Variants in RAB3IP observed in about 807,000 individuals in gnomAD.
RAB3IP encodes rab-3A-interacting protein.
Under a neutral mutation model 59.1 loss-of-function variants are expected in RAB3IP, and 36 were observed. That is an observed-to-expected ratio of 0.61 (90% CI 0.47 to 0.80). The LOEUF is 0.80. Among genes scored for constraint, RAB3IP ranks in the 30% least tolerant of loss-of-function variants. The probability of loss-of-function intolerance (pLI) is 0.00; values close to 1 mark genes in which losing one functional copy is unlikely to be tolerated. For synonymous variants in RAB3IP, 207 were observed against 191.2 expected (o/e 1.08, Z -0.68); for missense variants, 511 against 536.0 (o/e 0.95, Z 0.46).
intron 8 of RAB3IP, among the ~76,000 whole-genome samples, chr12:69,806,240 G>C (rs374391671): frequency 5.7e-4 from 86 of 152,134 alleles, no homozygotes; most frequent in African/African-American, 6.7e-4. Flanking sequence ...TGTATGTGTC[G>C]AGGAATTTAT....
intron 1 of RAB3IP, among the ~76,000 whole-genome samples, chr12:69,743,974 T>A (rs1822486691): frequency 6.6e-6 from 1 of 152,302 alleles, no homozygotes; most frequent in East Asian, 1.9e-4. Flanking sequence ...GAAAAAGAAA[T>A]TTGGAAAATG....
intron 3 of RAB3IP, among the ~76,000 whole-genome samples, chr12:69,780,543 T>A: frequency 6.6e-6 from 1 of 152,000 alleles, no homozygotes; most frequent in East Asian, 1.9e-4. Flanking sequence ...GAGTAGAGAG[T>A]GGGATCCTTT....
chr12:69,789,069 A>C (rs1242092713), intron 4 of RAB3IP, among the ~76,000 whole-genome samples: 1 of 152,086 alleles, frequency 6.6e-6, no homozygotes, highest in Non-Finnish European at 1.5e-5. Flanking sequence ...ATAAAGGCCT[A>C]CATTAAAAAA....
At chr12:69,773,423 T>A (rs1293438429) in intron 3 of RAB3IP, among the ~76,000 whole-genome samples, 13 of 126,484 alleles carry the variant, frequency 1.0e-4, no homozygotes, top group African/African-American at 3.1e-4. Flanking sequence ...TTTTTTTTTT[T>A]ATTATACTCT....
chr12:69,764,269 G>A (rs998403720), intron 3 of RAB3IP, among the ~76,000 whole-genome samples: 1 of 152,000 alleles, frequency 6.6e-6, no homozygotes, highest in East Asian at 1.9e-4. Context: ...GATTCTTATG[G>A]CAAAGATTTC....
rs1033023093 is a variant in RAB3IP, at chr12:69,818,447, C to CT, written c.*3003dup. On this transcript the variant is annotated 3_prime_UTR_variant, in exon 11 of 11. Coordinates refer to ENST00000247833, the MANE Select transcript of RAB3IP (RefSeq NM_022456.5). ...CTTGGGTGACAGAGTAAGATCATAC[C>CT]TTAAAAAAAAAAAAAAAGTATACCC... is the stretch of plus-strand genomic sequence containing the variant. 1.4e-5 allele frequency: 2 copies of CT among 147,796 alleles called. No individual in the cohort carries two copies. Among genetic ancestry groups the CT allele is most frequent in the African/African-American group, 2.6e-5 (1 of 39,070 alleles). The allele number at this position is 147,796 out of a possible 1,614,324, so 9.2% of individuals were successfully genotyped here.
At chr12:69,781,204 T>C (rs1242514166) in intron 3 of RAB3IP, among the ~76,000 whole-genome samples, 1 of 152,218 alleles carries the variant, frequency 6.6e-6, no homozygotes, top group South Asian at 2.1e-4. Flanking sequence ...TCTCCATTTT[T>C]AAAAAATTGA....
Position 69,759,934 on chromosome 12 carries a change from G to A in RAB3IP, c.510+3271G>A, listed in dbSNP as rs528721791. ...CAGAGGCGCTCCCCACATCTCAGAC[G>A]ATGGGTGGCCGGGCAGAGACGCTCC... On this transcript the variant is annotated intron_variant, in intron 3 of 10. Transcript: ENST00000247833. 7.2e-4 allele frequency among the ~76,000 whole-genome samples: 109 copies of A among 151,714 alleles called. 3 individuals carry two copies. In the South Asian group the frequency reaches 0.018, roughly 25 times the overall value.
chr12:69,795,882 G>A lies in RAB3IP; in HGVS notation c.888+538G>A, dbSNP rs183110447. 5.7e-3 allele frequency: 877 copies of A among 154,722 alleles called. 10 individuals carry two copies. Among genetic ancestry groups the A allele is most frequent in the African/African-American group, 0.02 (836 of 41,654 alleles). The allele number at this position is 154,722 out of a possible 1,614,324, so 9.6% of individuals were successfully genotyped here. A position where few individuals can be genotyped will look rare whatever the true frequency, so the allele number is the denominator to read the frequency against. The stretch of plus-strand genomic sequence containing the variant: ...TTGCTAAGTGAAATTTCAAGTTATA[G>A]TAGAACAATTAGTGTCATTTTTGAT... On this transcript the variant is annotated intron_variant, in intron 6 of 10. Coordinates refer to ENST00000247833, the MANE Select transcript of RAB3IP (RefSeq NM_022456.5).
chr12:69,792,751 G>C (rs1876841460), intron 4 of RAB3IP, among the ~76,000 whole-genome samples: 1 of 152,120 alleles, frequency 6.6e-6, no homozygotes, highest in South Asian at 2.1e-4. Flanking sequence ...TAACCCTTAT[G>C]TCTGTAGTGG....
intron 1 of RAB3IP, among the ~76,000 whole-genome samples, chr12:69,750,543 G>A (rs539389992): frequency 1.7e-3 from 202 of 116,328 alleles, no homozygotes; most frequent in African/African-American, 6.2e-3. Flanking sequence ...CCTCTACCTC[G>A]TTTTTTTTTT....
chr12:69,741,167 C>T (rs1055532967), intron 1 of RAB3IP, among the ~76,000 whole-genome samples: 1 of 152,188 alleles, frequency 6.6e-6, no homozygotes, highest in Non-Finnish European at 1.5e-5. Flanking sequence ...CCAGTGTGAG[C>T]TTGATTGTGT....
intron 1 of RAB3IP, among the ~76,000 whole-genome samples, chr12:69,745,834 A>G (rs908177921): frequency 1.3e-5 from 2 of 152,174 alleles, no homozygotes; most frequent in African/African-American, 4.8e-5. Context: ...TATCCATTTC[A>G]GCTTCTAAGT....
intron 1 of RAB3IP, among the ~76,000 whole-genome samples, chr12:69,749,968 T>C (rs866162071): frequency 2.6e-5 from 4 of 152,068 alleles, no homozygotes; most frequent in Admixed American, 1.3e-4. Flanking sequence ...GTGGGAAAAA[T>C]AGGGTTAATG....
At chr12:69,754,305 T>A (rs1043761831) in intron 1 of RAB3IP, among the ~76,000 whole-genome samples, 3 of 150,996 alleles carry the variant, frequency 2.0e-5, no homozygotes, top group African/African-American at 7.3e-5. Flanking sequence ...AGAATGTCCT[T>A]GTACTTAGGA....
At chr12:69,784,682 C>T (rs764242933) in intron 3 of RAB3IP, 38 bp from the exon 4 acceptor site, 43 of 1,239,538 alleles carry the variant, frequency 3.5e-5, no homozygotes, top group Non-Finnish European at 4.8e-5. Flanking sequence ...TAACTTCAAA[C>T]TATGGAGATC....
rs1880642652 is a variant in RAB3IP at position 69,812,853 on chromosome 12, T to C, written c.1206T>C (p.Tyr402=). Residue 402 remains tyrosine (Y), a synonymous_variant, in exon 9 of 11, where the codon TAT becomes TAC. Transcript: ENST00000247833. The part of the protein sequence containing the change: ...IKLGDSSNYY[Y]ISPFCRYRIT... The stretch of plus-strand genomic sequence containing the variant: ...TAGGGGACTCAAGCAACTATTATTA[T>C]ATTTCTCCTTTTTGCAGATACAGGG... 1 of 1,612,800 alleles carries C rather than the reference T, an allele frequency of 6.2e-7. No homozygotes were observed.
intron 3 of RAB3IP, among the ~76,000 whole-genome samples, chr12:69,758,831 C>T: frequency 9.5e-6 from 1 of 105,262 alleles, no homozygotes; most frequent in Admixed American, 1.2e-4. Context: ...GCATACAATT[C>T]TAGGTTGATG....
intron 3 of RAB3IP, among the ~76,000 whole-genome samples, chr12:69,783,743 TGC>T (rs1875160464): frequency 6.6e-6 from 1 of 152,246 alleles, no homozygotes; most frequent in African/African-American, 2.4e-5. Context: ...TGGGTTTTGT[TGC>T]TTTGTAGGGT....
Sources: allele counts gnomAD v4.1 joint callset (sites outside exome capture counted in the v4.1 genomes callset), GRCh38; gene constraint gnomAD v4.1.1; transcripts MANE v1.5; gene names NCBI Gene and HGNC (gene_info 2026-07-23, HGNC 2026-07-21).